B3GLCT: variants seen among roughly 807,000 people sequenced by gnomAD.
The protein encoded by B3GLCT is beta-1,3-glucosyltransferase.
Under a neutral mutation model 63.4 loss-of-function variants are expected in B3GLCT, and 65 were observed. The ratio of observed to expected loss-of-function variants is 1.03; its 90% CI spans 0.84 to 1.26. The LOEUF (loss-of-function observed/expected upper bound fraction) is 1.26, where lower values mean the gene tolerates loss of function less well. Among genes scored for constraint, B3GLCT ranks in the 50% most tolerant of loss-of-function variants. The pLI is 0.00. For synonymous variants in B3GLCT, 233 were observed against 219.2 expected (o/e 1.06, Z -0.55); for missense variants, 577 against 604.8 (o/e 0.95, Z 0.48).
At chr13:31,221,858 A>G (rs1462430394) in intron 2 of B3GLCT, among the ~76,000 whole-genome samples, 1 of 152,212 alleles carries the variant, frequency 6.6e-6, no homozygotes, top group South Asian at 2.1e-4. Context: ...GTTGAAAGCA[A>G]GAAAGGGCAA....
At chr13:31,316,333 AG>A (rs1875008128) in intron 12 of B3GLCT, among the ~76,000 whole-genome samples, 1 of 148,696 alleles carries the variant, frequency 6.7e-6, no homozygotes, top group South Asian at 2.1e-4. Context: ...GTGGGGCCCA[AG>A]GCCTAGGGAG....
chr13:31,213,482 C>T (rs533195002), intron 1 of B3GLCT, among the ~76,000 whole-genome samples: 5 of 152,034 alleles, frequency 3.3e-5, no homozygotes, highest in Middle Eastern at 3.4e-3. Flanking sequence ...CCCAGCTACT[C>T]GGGAGGCTGA....
intron 6 of B3GLCT, chr13:31,260,630 C>T: frequency 3.7e-6 from 1 of 269,974 alleles, no homozygotes; most frequent in Non-Finnish European, 7.1e-6. Context: ...ATACTATTTT[C>T]TTTGCCCTAA....
chr13:31,316,365 G>T (rs1875009830), intron 12 of B3GLCT, among the ~76,000 whole-genome samples: 2 of 136,564 alleles, frequency 1.5e-5, no homozygotes, highest in Admixed American at 1.6e-4. Context: ...GCATCAGCAT[G>T]TCCTGGATGT....
intron 6 of B3GLCT, among the ~76,000 whole-genome samples, chr13:31,257,801 G>A (rs1476802957): frequency 6.6e-6 from 1 of 152,118 alleles, no homozygotes; most frequent in Non-Finnish European, 1.5e-5. Context: ...AGTTTCTTCA[G>A]TAGAGGCGAG....
intron 10 of B3GLCT, among the ~76,000 whole-genome samples, chr13:31,283,932 T>C (rs1413009579): frequency 6.6e-6 from 1 of 152,214 alleles, no homozygotes; most frequent in South Asian, 2.1e-4. Context: ...TTTTTAAGTA[T>C]AGAAGAAAAG....
intron 12 of B3GLCT, among the ~76,000 whole-genome samples, chr13:31,314,321 C>A (rs951246767): frequency 4.6e-5 from 7 of 152,314 alleles, no homozygotes; most frequent in Non-Finnish European, 8.8e-5. Context: ...GCCGCAGACA[C>A]TCAATGTCAG....
intron 1 of B3GLCT, among the ~76,000 whole-genome samples, chr13:31,205,046 TACTTTG>T (rs1386053470): frequency 6.6e-6 from 1 of 152,164 alleles, no homozygotes; most frequent in Non-Finnish European, 1.5e-5. Context: ...TTTTGAAATG[TACTTTG>T]ACTTTTAATT....
chr13:31,290,729 T>C (rs1873612582), intron 12 of B3GLCT, among the ~76,000 whole-genome samples: 1 of 152,246 alleles, frequency 6.6e-6, no homozygotes, highest in Admixed American at 6.5e-5. Context: ...CTTGTAAATT[T>C]GTTTAAGTTC....
chr13:31,200,871 C>T (rs1353782283), intron 1 of B3GLCT, among the ~76,000 whole-genome samples: 2 of 152,158 alleles, frequency 1.3e-5, no homozygotes, highest in Non-Finnish European at 2.9e-5. Context: ...CGGGTCTCCG[C>T]TGGGGACATC....
At chr13:31,281,515 A>G (rs1226367787) in intron 10 of B3GLCT, among the ~76,000 whole-genome samples, 1 of 152,140 alleles carries the variant, frequency 6.6e-6, no homozygotes, top group East Asian at 1.9e-4. Flanking sequence ...ATGAATGAAG[A>G]GAGGAGAGGA....
intron 12 of B3GLCT, among the ~76,000 whole-genome samples, chr13:31,287,193 G>A (rs1873377540): frequency 6.6e-6 from 1 of 152,140 alleles, no homozygotes; most frequent in Non-Finnish European, 1.5e-5. Context: ...ACAGTTTGCA[G>A]GACAGAGTAC....
chr13:31,249,990 T>C (rs1386875752), intron 6 of B3GLCT, among the ~76,000 whole-genome samples: 1 of 152,260 alleles, frequency 6.6e-6, no homozygotes, highest in Non-Finnish European at 1.5e-5. Context: ...TTCTTACTAA[T>C]GCAAATGTAT....
intron 3 of B3GLCT, among the ~76,000 whole-genome samples, chr13:31,223,556 C>T (rs978556667): frequency 2.6e-5 from 4 of 152,144 alleles, no homozygotes; most frequent in African/African-American, 7.2e-5. Context: ...CTTATTTGTA[C>T]TCCTTTTGAA....
At chr13:31,246,951 C>CTTTTCTTTTTTT in intron 4 of B3GLCT, 72 bp from the exon 5 acceptor site, 1 of 778,764 alleles carries the variant, frequency 1.3e-6, no homozygotes. Context: ...CTTTTCTTTT[C>CTTTTCTTTTTTT]TTTTTTTTTT....
At chr13:31,234,055 TCGC>T (rs929208223) in intron 4 of B3GLCT, among the ~76,000 whole-genome samples, 10 of 151,734 alleles carry the variant, frequency 6.6e-5, no homozygotes, top group African/African-American at 2.4e-4. Flanking sequence ...TCTCACTCTG[TCGC>T]CCAGGCTGGA....
chr13:31,290,945 T>A (rs1773765825), intron 12 of B3GLCT, among the ~76,000 whole-genome samples: 1 of 152,240 alleles, frequency 6.6e-6, no homozygotes, highest in South Asian at 2.1e-4. Flanking sequence ...CATGCCTATG[T>A]CCTGAATGGT....
At chr13:31,265,603 A>T (rs1007193837) in intron 7 of B3GLCT, among the ~76,000 whole-genome samples, 1 of 152,362 alleles carries the variant, frequency 6.6e-6, no homozygotes, top group Non-Finnish European at 1.5e-5. Flanking sequence ...TTGAGTTCAC[A>T]CTGCCTAATA....
At chr13:31,228,588 T>C (rs1870217607) in intron 3 of B3GLCT, among the ~76,000 whole-genome samples, 1 of 152,202 alleles carries the variant, frequency 6.6e-6, no homozygotes, top group Non-Finnish European at 1.5e-5. Flanking sequence ...TGTCTCCTCA[T>C]ATCATCTTCC....
Sources: allele counts gnomAD v4.1 joint callset (sites outside exome capture counted in the v4.1 genomes callset), GRCh38; gene constraint gnomAD v4.1.1; transcripts MANE v1.5; gene names NCBI Gene and HGNC (gene_info 2026-07-23, HGNC 2026-07-21).